JAK1: variants seen among roughly 807,000 people sequenced by gnomAD.
JAK1 encodes the protein Janus kinase 1, also known as tyrosine-protein kinase JAK1.
A neutral mutation model predicts 136.6 loss-of-function variants in JAK1; 16 were observed. The observed-to-expected ratio is 0.12, with a 90% CI of 0.08 to 0.18. The LOEUF is 0.18. JAK1 is among the 10% of genes least tolerant of loss of function. JAK1 has a pLI of 1.00. For synonymous variants in JAK1, 492 were observed against 519.5 expected (o/e 0.95, Z 0.72); for missense variants, 859 against 1,450.1 (o/e 0.59, Z 6.62).
intron 2 of JAK1, among the ~76,000 whole-genome samples, chr1:65,033,780 G>C (rs1569916464): frequency 6.7e-6 from 1 of 149,654 alleles, no homozygotes; most frequent in Admixed American, 6.7e-5. Context: ...GTAAGAGAAA[G>C]TATAGGTAGA....
intron 2 of JAK1, among the ~76,000 whole-genome samples, chr1:65,038,062 A>G (rs1278385367): frequency 6.6e-6 from 1 of 152,074 alleles, no homozygotes; most frequent in Non-Finnish European, 1.5e-5. Flanking sequence ...GGTCAAGTCT[A>G]TCCCTTCTTA....
chr1:65,064,332 C>A lies in JAK1; in HGVS notation c.-181+3272G>T, dbSNP rs551401656. 4.4e-4 allele frequency among the ~76,000 whole-genome samples: 67 copies of A among 152,286 alleles called. 2 individuals carry two copies. Among genetic ancestry groups the A allele is most frequent in the African/African-American group, 1.6e-3 (67 of 41,580 alleles). ...GTGGCTACCATATTAGGGCAGGTAT[C>A]CTGTCTCTGTCACCTGGATTCTTTT... On this transcript the variant is annotated intron_variant, in intron 1 of 25. Transcript: ENST00000671954.
upstream of JAK1, among the ~76,000 whole-genome samples, chr1:64,969,339 T>C (rs1646429655): frequency 6.6e-6 from 1 of 151,908 alleles, no homozygotes; most frequent in Admixed American, 6.6e-5. Context: ...TGTAGGATGT[T>C]TAGCAGCATC....
chr1:65,033,274 C>G (rs1647038989), intron 2 of JAK1, among the ~76,000 whole-genome samples: 1 of 152,154 alleles, frequency 6.6e-6, no homozygotes, highest in African/African-American at 2.4e-5. Context: ...CCAGCTCAGC[C>G]TCCTGGGAGC....
At chr1:64,968,867 G>A (rs1348751527), upstream of JAK1, among the ~76,000 whole-genome samples, 5 of 144,702 alleles carry the variant, frequency 3.5e-5, no homozygotes, top group African/African-American at 1.3e-4. Flanking sequence ...GGGAGGCAGA[G>A]TTTGCAGTGA....
Position 64,846,685 on chromosome 1 carries a change from C to T in JAK1, c.1951G>A (p.Val651Met), listed in dbSNP as rs149968614. ...MMRQVSHKHI[V>M]YLYGVCVRDV... Reference sequence around the variant, plus strand: ...CGGACACAGACGCCATAGAGGTACACGATGTGTTTGTGGGAGACCTGTCTC... The same window carrying T: ...CGGACACAGACGCCATAGAGGTACATGATGTGTTTGTGGGAGACCTGTCTC... The change falls in exon 14 of 25, where the codon GTG (valine) becomes ATG (methionine). Residue 651 changes from valine (V) to methionine (M), a missense_variant. Physicochemically the swap from Val to Met is conservative, Grantham distance 21. Transcript: ENST00000342505. 1.2e-3 allele frequency: 2,003 copies of T among 1,614,062 alleles called. 4 individuals are homozygous for T. Among genetic ancestry groups the T allele is most frequent in the Non-Finnish European group, 1.5e-3 (1,757 of 1,179,984 alleles).
intron 11 of JAK1, among the ~76,000 whole-genome samples, chr1:64,853,397 A>C (rs1489734671): frequency 6.6e-6 from 1 of 152,214 alleles, no homozygotes; most frequent in East Asian, 1.9e-4. Flanking sequence ...ACTTGGAGTC[A>C]GACAACGTGA....
intron 1 of JAK1, among the ~76,000 whole-genome samples, chr1:65,046,304 G>A (rs958864072): frequency 6.6e-6 from 1 of 152,138 alleles, no homozygotes; most frequent in Non-Finnish European, 1.5e-5. Flanking sequence ...CTGCAGGCCC[G>A]GATGAGGCCC....
chr1:64,944,140 T>G lies in JAK1; in HGVS notation c.-78+22193A>C, dbSNP rs187886554. Among the ~76,000 whole-genome samples the G allele has an allele frequency of 1.6e-3, 226 of 144,414 alleles. 1 individual carries two copies. Among genetic ancestry groups the G allele is most frequent in the Middle Eastern group, 3.8e-3 (1 of 264 alleles). 94.7% of individuals were successfully genotyped at this position (144,414 alleles called of 152,430 possible). On this transcript the variant is annotated intron_variant, in intron 1 of 24. Transcript: ENST00000342505. ...GGGAGGCTGAGGCAGGAGAATGGCA[T>G]GAACCCAGGAGGCGGAGCTTGCAGT...
chr1:65,052,624 T>C (rs7545887), intron 1 of JAK1, among the ~76,000 whole-genome samples: 12,114 of 151,876 alleles, frequency 0.08, 579 homozygotes, highest in Admixed American at 0.16. Context: ...CCATCCTGGC[T>C]AACACGATGA....
At chr1:64,931,623 T>C (rs1486843369) in intron 1 of JAK1, among the ~76,000 whole-genome samples, 1 of 152,126 alleles carries the variant, frequency 6.6e-6, no homozygotes, top group Non-Finnish European at 1.5e-5. Context: ...TTCAGAGGCC[T>C]CAACCTTTGG....
At chr1:64,933,077 C>G (rs1645726382) in intron 1 of JAK1, among the ~76,000 whole-genome samples, 1 of 151,894 alleles carries the variant, frequency 6.6e-6, no homozygotes, top group Non-Finnish European at 1.5e-5. Flanking sequence ...AACACTACAC[C>G]AGTGGTAGCT....
intron 1 of JAK1, among the ~76,000 whole-genome samples, chr1:64,928,797 C>CAAAAAAAAAAAAAAAAAAAAAAAAAAAAA (rs397953329): frequency 2.5e-5 from 2 of 80,816 alleles, no homozygotes; most frequent in Non-Finnish European, 5.1e-5. Context: ...AAAAAAAAAA[C>CAAAAAAAAAAAAAAAAAAAAAAAAAAAAA]AAAAAAAAAA....
chr1:65,028,068 T>C (rs973327083), intron 2 of JAK1, among the ~76,000 whole-genome samples: 2 of 152,190 alleles, frequency 1.3e-5, no homozygotes, highest in African/African-American at 4.8e-5. Flanking sequence ...TATGATTCCT[T>C]TGGGTGAACC....
At position 64,897,124 on chromosome 1, in the gene JAK1, G is replaced by A. The variant is rs12239917; in HGVS notation, c.-77-10783C>T. 7.1e-3 allele frequency among the ~76,000 whole-genome samples: 1,077 copies of A among 151,996 alleles called. 15 individuals carry two copies. The highest frequency in any genetic ancestry group is 0.025 in the African/African-American group (1,023 of 41,446). ...ACATTCCAAATAAGGGAAACATGAA[G>A]AAATAGCAAAAGAAGGAAAGTGGGG... On this transcript the variant is annotated intron_variant, in intron 1 of 24. Coordinates refer to ENST00000342505, the MANE Select transcript of JAK1 (RefSeq NM_002227.4).
intron 8 of JAK1, among the ~76,000 whole-genome samples, chr1:64,864,166 A>C (rs1656547126): frequency 6.6e-6 from 1 of 152,136 alleles, no homozygotes; most frequent in South Asian, 2.1e-4. Flanking sequence ...TCACCTTAAG[A>C]GTGCTAGCTG....
chr1:64,930,954 C>T (rs551504951), intron 1 of JAK1, among the ~76,000 whole-genome samples: 4 of 151,384 alleles, frequency 2.6e-5, no homozygotes, highest in African/African-American at 9.7e-5. Context: ...ACAATGAGAA[C>T]ACATGGATGC....
Position 64,838,039 on chromosome 1 carries a change from A to C in JAK1, c.3033T>G (p.Val1011=). 1 of 1,614,156 alleles carries C rather than the reference A, an allele frequency of 6.2e-7. No homozygotes were observed. Among genetic ancestry groups the C allele is most frequent in the Non-Finnish European group, 8.5e-7 (1 of 1,179,970 alleles). The part of the protein sequence containing the change: ...HRDLAARNVL[V]ESEHQVKIGD... ...CAATTTTCACTTGGTGTTCACTCTC[A>C]ACAAGGACATTTCTTGCTGCCAAGT... The change falls in exon 22 of 25, where the codon GTT becomes GTG. Residue 1011 remains valine (V), a synonymous_variant. Coordinates refer to ENST00000342505, the MANE Select transcript of JAK1 (RefSeq NM_002227.4).
At chr1:65,013,095 CAAA>C (rs34009555) in intron 2 of JAK1, among the ~76,000 whole-genome samples, 1 of 44,928 alleles carries the variant, frequency 2.2e-5, no homozygotes. Context: ...CACTCCGTCT[CAAA>C]AAAAAAAAAA....
Sources: allele counts gnomAD v4.1 joint callset (sites outside exome capture counted in the v4.1 genomes callset), GRCh38; gene constraint gnomAD v4.1.1; transcripts MANE v1.5; gene names NCBI Gene and HGNC (gene_info 2026-07-23, HGNC 2026-07-21).